ANO2: variants seen among roughly 807,000 people sequenced by gnomAD.
ANO2 encodes the protein anoctamin-2.
Under a neutral mutation model 124.2 loss-of-function variants are expected in ANO2, and 101 were observed. The observed-to-expected ratio is 0.81, with a 90% confidence interval of 0.69 to 0.96. ANO2 has a LOEUF of 0.96. ANO2 is among the 40% of genes least tolerant of loss of function. ANO2 has a pLI of 0.00. For synonymous variants in ANO2, 486 were observed against 482.5 expected (o/e 1.01, Z -0.09); for missense variants, 1,293 against 1,274.5 (o/e 1.01, Z -0.22).
intron 20 of ANO2, 29 bp from the exon 21 acceptor site, chr12:5,578,547 A>T: frequency 1.9e-6 from 3 of 1,596,752 alleles, no homozygotes; most frequent in Non-Finnish European, 2.6e-6. Context: ...TGAGGGCTTC[A>T]GCAGGAACAA....
chr12:5,811,290 G>A (rs1412874014), intron 7 of ANO2, among the ~76,000 whole-genome samples: 1 of 152,138 alleles, frequency 6.6e-6, no homozygotes, highest in African/African-American at 2.4e-5. Flanking sequence ...CTCCCAGACG[G>A]TGCATTTAAC....
chr12:5,823,791 C>T (rs1164961510), intron 7 of ANO2, among the ~76,000 whole-genome samples: 3 of 152,250 alleles, frequency 2.0e-5, no homozygotes, highest in African/African-American at 7.2e-5. Flanking sequence ...AGAGGTTCTC[C>T]ATGAGGGCCC....
At chr12:5,676,409 G>A (rs1948244824) in intron 14 of ANO2, among the ~76,000 whole-genome samples, 1 of 152,142 alleles carries the variant, frequency 6.6e-6, no homozygotes, top group African/African-American at 2.4e-5. Context: ...GGCTAAGTAT[G>A]GCTCCCTGTT....
At chr12:5,790,517 A>G (rs1476026379) in intron 10 of ANO2, among the ~76,000 whole-genome samples, 2 of 151,988 alleles carry the variant, frequency 1.3e-5, no homozygotes, top group Non-Finnish European at 1.5e-5. Flanking sequence ...AAATCCCCCA[A>G]CTATATTTCT....
chr12:5,761,607 CAT>C (rs1336613040), intron 10 of ANO2, among the ~76,000 whole-genome samples: 1 of 152,124 alleles, frequency 6.6e-6, no homozygotes, highest in Non-Finnish European at 1.5e-5. Flanking sequence ...TATATGTTCA[CAT>C]ATGTTTATCC....
intron 16 of ANO2, among the ~76,000 whole-genome samples, chr12:5,628,526 ATCT>A (rs1261949086): frequency 3.3e-5 from 5 of 152,180 alleles, no homozygotes; most frequent in African/African-American, 9.7e-5. Flanking sequence ...TGGGCCTCTG[ATCT>A]TCTTCTCTGT....
At chr12:5,801,529 A>G (rs376821546) in intron 9 of ANO2, among the ~76,000 whole-genome samples, 24 of 152,256 alleles carry the variant, frequency 1.6e-4, no homozygotes, top group East Asian at 9.6e-4. Context: ...ACAGAGAGCC[A>G]TCCTGTTTAC....
At chr12:5,801,921 T>C (rs1021319115) in intron 9 of ANO2, among the ~76,000 whole-genome samples, 4 of 152,334 alleles carry the variant, frequency 2.6e-5, no homozygotes, top group African/African-American at 4.8e-5. Context: ...CAACACCTGG[T>C]TGTCATAGTG....
intron 11 of ANO2, among the ~76,000 whole-genome samples, chr12:5,747,548 C>G (rs1265250399): frequency 6.6e-6 from 1 of 152,124 alleles, no homozygotes; most frequent in African/African-American, 2.4e-5. Flanking sequence ...AGGCCCCATC[C>G]TGAGTCTGAA....
intron 24 of ANO2, among the ~76,000 whole-genome samples, chr12:5,565,007 A>C (rs1156679099): frequency 6.6e-6 from 1 of 152,094 alleles, no homozygotes; most frequent in African/African-American, 2.4e-5. Flanking sequence ...TCAGCGATGC[A>C]ATTGGAGCTG....
chr12:5,739,777 C>T, intron 12 of ANO2: 1 of 421,154 alleles, frequency 2.4e-6, no homozygotes, highest in South Asian at 1.8e-5. Flanking sequence ...TACATTCTTT[C>T]CTCCTTCACC....
At chr12:5,729,118 T>G (rs1950543448) in intron 14 of ANO2, among the ~76,000 whole-genome samples, 1 of 152,142 alleles carries the variant, frequency 6.6e-6, no homozygotes, top group Non-Finnish European at 1.5e-5. Context: ...GTAACAAAAT[T>G]AGATAAATTG....
intron 10 of ANO2, among the ~76,000 whole-genome samples, chr12:5,799,114 C>A (rs1195619598): frequency 6.6e-6 from 1 of 152,238 alleles, no homozygotes; most frequent in Non-Finnish European, 1.5e-5. Context: ...TTTGCTAAAT[C>A]CACCCTTTCC....
chr12:5,781,529 T>A (rs1319278831), intron 10 of ANO2, among the ~76,000 whole-genome samples: 1 of 152,252 alleles, frequency 6.6e-6, no homozygotes, highest in East Asian at 1.9e-4. Context: ...TCAGAGAATA[T>A]AAAAGAACAG....
intron 1 of ANO2, among the ~76,000 whole-genome samples, chr12:5,937,290 T>A (rs1486052751): frequency 6.6e-6 from 1 of 152,244 alleles, no homozygotes; most frequent in African/African-American, 2.4e-5. Flanking sequence ...TAGTTTTGAT[T>A]TGCATTTCCC....
At chr12:5,638,192 G>T (rs1946120868) in intron 15 of ANO2, among the ~76,000 whole-genome samples, 1 of 150,062 alleles carries the variant, frequency 6.7e-6, no homozygotes, top group Non-Finnish European at 1.5e-5. Context: ...GTGCCTTCTA[G>T]ATGTCTTTAT....
chr12:5,899,235 G>C (rs1940008523), intron 3 of ANO2, among the ~76,000 whole-genome samples: 1 of 152,166 alleles, frequency 6.6e-6, no homozygotes, highest in South Asian at 2.1e-4. Flanking sequence ...TCACACCTCA[G>C]AGGACTAGAG....
chr12:5,841,584 C>T (rs1431613462), intron 4 of ANO2, among the ~76,000 whole-genome samples: 1 of 152,214 alleles, frequency 6.6e-6, no homozygotes, highest in Non-Finnish European at 1.5e-5. Flanking sequence ...TCGGCAGCCT[C>T]AGCCCCTGCC....
chr12:5,886,619 C>A (rs1051797671), intron 3 of ANO2, among the ~76,000 whole-genome samples: 1 of 152,120 alleles, frequency 6.6e-6, no homozygotes, highest in Admixed American at 6.5e-5. Flanking sequence ...TAGAGGGACA[C>A]AAAGAAACTT....
Sources: gnomAD v4.1 joint callset for allele counts (sites outside exome capture counted in the v4.1 genomes callset) on GRCh38, gnomAD v4.1.1 for gene constraint, MANE v1.5 for transcripts, NCBI Gene and HGNC (gene_info 2026-07-23, HGNC 2026-07-21) for gene names.